DDX10: variants seen among roughly 807,000 people sequenced by gnomAD.
DDX10 encodes probable ATP-dependent RNA helicase DDX10.
A neutral mutation model predicts 104.3 loss-of-function variants in DDX10; 74 were observed. That is an observed-to-expected ratio of 0.71 (90% CI 0.59 to 0.86). DDX10 has a LOEUF of 0.86. Ranked by LOEUF, DDX10 falls within the 40% of genes least tolerant of loss-of-function variation. The pLI, the probability that DDX10 is intolerant of heterozygous loss-of-function variation, is 0.00. For synonymous variants in DDX10, 351 were observed against 353.4 expected (o/e 0.99, Z 0.08); for missense variants, 952 against 1,040.0 (o/e 0.92, Z 1.16).
chr11:108,917,592 G>A (rs904663889), intron 16 of DDX10, among the ~76,000 whole-genome samples: 2 of 152,056 alleles, frequency 1.3e-5, no homozygotes, highest in African/African-American at 2.4e-5. Flanking sequence ...ATTGAGTTGA[G>A]TTACACAGAA....
intron 13 of DDX10, among the ~76,000 whole-genome samples, chr11:108,729,116 CACTT>C (rs1317644087): frequency 1.3e-5 from 2 of 152,128 alleles, no homozygotes; most frequent in East Asian, 3.9e-4. Context: ...CTCATGTAAA[CACTT>C]ACTTTATAGT....
Position 108,774,908 on chromosome 11 carries a change from T to TTG in DDX10, c.1965+51447_1965+51448dup, listed in dbSNP as rs2094367941. On this transcript the variant is annotated intron_variant, in intron 13 of 17. Coordinates refer to ENST00000322536, the MANE Select transcript of DDX10 (RefSeq NM_004398.4). ...TCTCTGCCCTTACTGAGCTTCTAAC[T>TTG]TGCTGGAACAAGAAGACATATCAAT... Among the ~76,000 whole-genome samples, 5 of 152,126 alleles carry TTG rather than the reference T, an allele frequency of 3.3e-5. No individual in the cohort carries two copies. In the South Asian group the frequency reaches 1.0e-3, roughly 32 times the overall value.
chr11:108,796,838 T>C (rs148658676), intron 13 of DDX10, among the ~76,000 whole-genome samples: 1 of 152,276 alleles, frequency 6.6e-6, no homozygotes, highest in East Asian at 1.9e-4. Flanking sequence ...TACTGTTGTG[T>C]GAGTGGGTTT....
At chr11:108,790,380 CT>C (rs1437851398) in intron 13 of DDX10, among the ~76,000 whole-genome samples, 1 of 152,146 alleles carries the variant, frequency 6.6e-6, no homozygotes, top group African/African-American at 2.4e-5. Flanking sequence ...TTAAAGCATA[CT>C]TTTCAGTCAT....
At chr11:108,681,095 C>T (rs2094234379) in intron 6 of DDX10, among the ~76,000 whole-genome samples, 1 of 152,002 alleles carries the variant, frequency 6.6e-6, no homozygotes, top group South Asian at 2.1e-4. Context: ...TTCTGTTTGC[C>T]TCCAGCCTAT....
At chr11:108,863,584 G>A (rs966796145) in intron 16 of DDX10, among the ~76,000 whole-genome samples, 2 of 152,186 alleles carry the variant, frequency 1.3e-5, no homozygotes, top group African/African-American at 4.8e-5. Context: ...TCTTTGGAAA[G>A]TATATTATCG....
intron 13 of DDX10, among the ~76,000 whole-genome samples, chr11:108,739,070 C>G (rs370257268): frequency 7.9e-5 from 12 of 152,242 alleles, no homozygotes; most frequent in African/African-American, 2.4e-4. Flanking sequence ...ACTCTGCCCC[C>G]CCAGGGAGAC....
intron 17 of DDX10, chr11:108,919,329 A>G (rs1260251925): frequency 1.3e-5 from 2 of 152,232 alleles, no homozygotes; most frequent in African/African-American, 2.4e-5. Flanking sequence ...AGAAAAATAT[A>G]CAAATGTTTG....
At chr11:108,750,782 C>T (rs1191011361) in intron 13 of DDX10, among the ~76,000 whole-genome samples, 3 of 150,438 alleles carry the variant, frequency 2.0e-5, no homozygotes, top group Non-Finnish European at 3.0e-5. Context: ...TTTTTTGAGA[C>T]AGGGTCTCAC....
At chr11:108,779,290 A>T (rs1157750410) in intron 13 of DDX10, among the ~76,000 whole-genome samples, 8 of 152,226 alleles carry the variant, frequency 5.3e-5, no homozygotes. Flanking sequence ...CCCAACCCAA[A>T]TGTCTATCAA....
At chr11:108,698,229 AGT>A (rs2134454801) in intron 9 of DDX10, among the ~76,000 whole-genome samples, 1 of 152,368 alleles carries the variant, frequency 6.6e-6, no homozygotes, top group African/African-American at 2.4e-5. Flanking sequence ...ATTTTTTAAT[AGT>A]GTCTTTAATT....
At position 108,731,750 on chromosome 11, in the gene DDX10, T is replaced by A. The variant is rs996727374; in HGVS notation, c.1965+8288T>A. 1.6e-4 allele frequency among the ~76,000 whole-genome samples: 24 copies of A among 152,216 alleles called. 1 individual carries two copies. Among genetic ancestry groups the A allele is most frequent in the Admixed American group, 1.2e-3 (19 of 15,280 alleles). ...TTTTGCATTTCATATTTTAGTGTTG[T>A]ATGCATCCATCAGTCACTGGAGGCT... is the stretch of plus-strand genomic sequence containing the variant. On this transcript the variant is annotated intron_variant, in intron 13 of 17. Transcript: ENST00000322536.
chr11:108,695,994 G>A (rs2094259323), intron 9 of DDX10, among the ~76,000 whole-genome samples: 1 of 152,172 alleles, frequency 6.6e-6, no homozygotes, highest in Admixed American at 6.5e-5. Context: ...AAGCAATGCA[G>A]TTAGGATTAG....
intron 16 of DDX10, among the ~76,000 whole-genome samples, chr11:108,900,707 A>G (rs1258544463): frequency 6.6e-6 from 1 of 152,198 alleles, no homozygotes. Flanking sequence ...CTTCCCATAC[A>G]TGCCCAAGTT....
intron 13 of DDX10, among the ~76,000 whole-genome samples, chr11:108,825,212 G>A (rs1394575736): frequency 6.6e-6 from 1 of 152,158 alleles, no homozygotes; most frequent in Non-Finnish European, 1.5e-5. Context: ...TTGAGGAAAG[G>A]AAGACAAATA....
intron 16 of DDX10, among the ~76,000 whole-genome samples, chr11:108,878,870 G>T (rs2134630141): frequency 6.6e-6 from 1 of 152,192 alleles, no homozygotes; most frequent in South Asian, 2.1e-4. Context: ...TAATTTAGTG[G>T]CCTATGGTAG....
chr11:108,905,313 G>GGT (rs1491187451), intron 16 of DDX10, among the ~76,000 whole-genome samples: 3 of 22,426 alleles, frequency 1.3e-4, no homozygotes, highest in South Asian at 1.7e-3. Context: ...GATTGTTTAA[G>GGT]GGGGGGGGGG....
intron 15 of DDX10, among the ~76,000 whole-genome samples, chr11:108,848,087 CA>C (rs1361750495): frequency 6.6e-6 from 1 of 152,128 alleles, no homozygotes; most frequent in Non-Finnish European, 1.5e-5. Context: ...TTTTGAAGAA[CA>C]GATGACAAAT....
chr11:108,779,633 C>T (rs984651092), intron 13 of DDX10, among the ~76,000 whole-genome samples: 8 of 151,702 alleles, frequency 5.3e-5, no homozygotes, highest in East Asian at 1.9e-4. Flanking sequence ...CAAACCTGCA[C>T]GTTGTGCACA....
Sources: gnomAD v4.1 joint callset for allele counts (sites outside exome capture counted in the v4.1 genomes callset) on GRCh38, gnomAD v4.1.1 for gene constraint, MANE v1.5 for transcripts, NCBI Gene and HGNC (gene_info 2026-07-23, HGNC 2026-07-21) for gene names.